Variants in CCDC141 observed in about 807,000 individuals in gnomAD.
The protein encoded by CCDC141 is coiled-coil domain containing 141.
Under a neutral mutation model 181.0 loss-of-function variants are expected in CCDC141, and 168 were observed. The observed-to-expected ratio is 0.93, with a 90% CI of 0.82 to 1.05. The LOEUF (loss-of-function observed/expected upper bound fraction) is 1.05. CCDC141 is among the 50% of genes least tolerant of loss of function. The pLI, the probability that CCDC141 is intolerant of heterozygous loss-of-function variation, is 0.00. For synonymous variants in CCDC141, 666 were observed against 642.3 expected (o/e 1.04, Z -0.56); for missense variants, 1,902 against 1,788.5 (o/e 1.06, Z -1.14).
intron 6 of CCDC141, among the ~76,000 whole-genome samples, chr2:178,920,592 G>T (rs963050732): frequency 6.6e-6 from 1 of 151,994 alleles, no homozygotes; most frequent in Non-Finnish European, 1.5e-5. Context: ...GCATAGTGGC[G>T]CATGCTTGTA....
chr2:178,961,561 T>G (rs111857878), intron 4 of CCDC141, 78 bp from the exon 5 acceptor site: 2 of 1,086,436 alleles, frequency 1.8e-6, no homozygotes, highest in African/African-American at 1.6e-5. Flanking sequence ...TCTTCATAAT[T>G]TAAAATATAT....
chr2:179,010,547 C>A (rs2042237105), intron 2 of CCDC141, among the ~76,000 whole-genome samples: 2 of 152,094 alleles, frequency 1.3e-5, no homozygotes, highest in South Asian at 4.2e-4. Context: ...ATCCAGCAAA[C>A]CTAAGCCTCG....
chr2:178,923,096 A>ATTTT (rs757686549), intron 6 of CCDC141, among the ~76,000 whole-genome samples: 5 of 137,814 alleles, frequency 3.6e-5, no homozygotes, highest in East Asian at 2.1e-4. Context: ...CCACCAGTTT[A>ATTTT]TTTTTTTTTT....
intron 22 of CCDC141, among the ~76,000 whole-genome samples, chr2:178,844,623 G>A (rs1228403499): frequency 6.6e-6 from 1 of 152,168 alleles, no homozygotes; most frequent in Non-Finnish European, 1.5e-5. Flanking sequence ...GCTGCCTGCT[G>A]GTTGTATAAC....
chr2:179,008,526 A>G (rs770913052), intron 2 of CCDC141, among the ~76,000 whole-genome samples: 1 of 152,176 alleles, frequency 6.6e-6, no homozygotes, highest in African/African-American at 2.4e-5. Context: ...CACCAGTGCT[A>G]CCTGGGGGAA....
At chr2:178,846,718 T>C (rs1266039488) in intron 21 of CCDC141, among the ~76,000 whole-genome samples, 5 of 152,224 alleles carry the variant, frequency 3.3e-5, no homozygotes, top group Admixed American at 6.5e-5. Context: ...TCTACCACTA[T>C]TGACTATTGG....
intron 13 of CCDC141, among the ~76,000 whole-genome samples, 174 bp downstream of exon 13, chr2:178,871,959 C>G (rs760484347): frequency 1.3e-5 from 2 of 152,202 alleles, no homozygotes; most frequent in Non-Finnish European, 2.9e-5. Flanking sequence ...AACCTACATT[C>G]TGCTTTCTGC....
intron 2 of CCDC141, among the ~76,000 whole-genome samples, chr2:178,991,344 C>T (rs951416372): frequency 7.9e-5 from 12 of 152,096 alleles, no homozygotes; most frequent in African/African-American, 2.4e-4. Flanking sequence ...ACTTTTCACA[C>T]GCAGCACTGT....
chr2:178,973,139 G>A (rs972627556), intron 4 of CCDC141, among the ~76,000 whole-genome samples: 10 of 152,102 alleles, frequency 6.6e-5, no homozygotes, highest in Admixed American at 1.3e-4. Flanking sequence ...CCTTTAATAT[G>A]CATTTCAAAT....
chr2:178,906,538 G>A (rs576662439), intron 7 of CCDC141, among the ~76,000 whole-genome samples: 1 of 152,278 alleles, frequency 6.6e-6, no homozygotes, highest in East Asian at 1.9e-4. Flanking sequence ...ACTGAAAGAA[G>A]CCACCTTATG....
chr2:179,016,350 AT>A (rs1478737895), intron 2 of CCDC141, among the ~76,000 whole-genome samples: 1 of 152,222 alleles, frequency 6.6e-6, no homozygotes, highest in Non-Finnish European at 1.5e-5. Flanking sequence ...TGGGAAAAAA[AT>A]AAAAGTAAAT....
chr2:178,905,458 A>G lies in CCDC141; in HGVS notation c.1136T>C (p.Leu379Pro). 6.4e-7 allele frequency: 1 copy of G among 1,550,936 alleles called. No homozygotes were observed. The highest frequency in any genetic ancestry group is 1.2e-5 in the South Asian group (1 of 84,012). The change falls in exon 8 of 24, where the codon CTT (leucine) becomes CCT (proline). Residue 379 changes from leucine to proline, a missense_variant. By Grantham distance (98) the Leu-to-Pro change is moderately conservative. Transcript: ENST00000443758. ...LGRVEAYLKL[L>P]KSEGLSLAVL... Reference sequence around the variant, plus strand: ...AGCCAGACTTAAACCCTCTGATTTAAGGAGCTTAAGGTAAGCTTCAACTCT... The same window carrying G: ...AGCCAGACTTAAACCCTCTGATTTAGGGAGCTTAAGGTAAGCTTCAACTCT...
chr2:178,893,823 GCACACACACA>G (rs34654821), intron 8 of CCDC141, among the ~76,000 whole-genome samples: 1 of 141,892 alleles, frequency 7.0e-6, no homozygotes, highest in African/African-American at 2.6e-5. Flanking sequence ...ACACACACAC[GCACACACACA>G]CACACACACA....
At chr2:178,942,753 G>A (rs971717715) in intron 6 of CCDC141, among the ~76,000 whole-genome samples, 1 of 152,152 alleles carries the variant, frequency 6.6e-6, no homozygotes, top group Non-Finnish European at 1.5e-5. Context: ...CTACGAATGT[G>A]TAGGGGCAGG....
Position 178,837,406 on chromosome 2 carries a change from G to T in CCDC141, c.3813C>A (p.Ala1271=). The T allele has an allele frequency of 6.2e-7, 1 of 1,614,128 alleles. No homozygotes were observed. The highest frequency in any genetic ancestry group is 8.5e-7 in the Non-Finnish European group (1 of 1,180,002). The change falls in exon 23 of 24, where the codon GCC becomes GCA. Residue 1271 remains alanine, a synonymous_variant. Coordinates refer to ENST00000443758, the MANE Select transcript of CCDC141 (RefSeq NM_173648.4). The part of the protein sequence containing the change: ...AQESVLPPPV[A]FADACNDKRE... Reference sequence around the variant, plus strand: ...TCTTATCATTGCATGCATCCGCAAAGGCAACAGGTGGTGGAAGAACAGATT... The same window carrying T: ...TCTTATCATTGCATGCATCCGCAAATGCAACAGGTGGTGGAAGAACAGATT...
At chr2:178,979,240 A>C (rs1398189471) in intron 2 of CCDC141, among the ~76,000 whole-genome samples, 1 of 152,212 alleles carries the variant, frequency 6.6e-6, no homozygotes, top group Non-Finnish European at 1.5e-5. Flanking sequence ...ATGTGCTTAC[A>C]TAATTGTCTC....
At chr2:178,984,219 T>C (rs1318360243) in intron 2 of CCDC141, among the ~76,000 whole-genome samples, 1 of 149,348 alleles carries the variant, frequency 6.7e-6, no homozygotes, top group Admixed American at 6.7e-5. Context: ...CAAACTAAGC[T>C]TCATAAGTGA....
intron 2 of CCDC141, among the ~76,000 whole-genome samples, chr2:179,027,535 C>T (rs1474516736): frequency 6.6e-6 from 1 of 150,902 alleles, no homozygotes; most frequent in East Asian, 2.0e-4. Context: ...GTCCCAGCTA[C>T]TTGGGAGGCT....
chr2:178,992,886 T>C (rs1398259749), intron 2 of CCDC141, among the ~76,000 whole-genome samples: 3 of 152,122 alleles, frequency 2.0e-5, no homozygotes, highest in Non-Finnish European at 4.4e-5. Context: ...AAGTGGCTTT[T>C]CCCCCTTTTT....
Sources: gnomAD v4.1 joint callset for allele counts (sites outside exome capture counted in the v4.1 genomes callset) on GRCh38, gnomAD v4.1.1 for gene constraint, MANE v1.5 for transcripts, NCBI Gene and HGNC (gene_info 2026-07-23, HGNC 2026-07-21) for gene names.